Variants in GALNT13 observed in about 807,000 individuals in gnomAD.
GALNT13 encodes UDP-GalNAc:polypeptide N-acetylgalactosaminyltransferase 13.
In GALNT13, 28 loss-of-function variants were observed where a neutral mutation model predicts 64.2. The ratio of observed to expected loss-of-function variants is 0.44; its 90% CI spans 0.32 to 0.60. The LOEUF is 0.60. Among genes scored for constraint, GALNT13 ranks in the 20% least tolerant of loss-of-function variants. GALNT13 has a pLI of 0.05. For missense variants in GALNT13, 577 were observed against 669.8 expected (o/e 0.86, Z 1.53); for synonymous variants, 214 against 224.6 (o/e 0.95, Z 0.42).
At chr2:153,569,541 TA>T in the GALNT13 span, among the ~76,000 whole-genome samples, 1 of 151,860 alleles carries the variant, frequency 6.6e-6, no homozygotes, top group East Asian at 1.9e-4. Flanking sequence ...AAAATCTTTT[TA>T]TTTTTAATTA....
the GALNT13 span, among the ~76,000 whole-genome samples, chr2:153,480,950 T>G: frequency 6.6e-6 from 1 of 152,192 alleles, no homozygotes; most frequent in Non-Finnish European, 1.5e-5. Context: ...TGAGTATATT[T>G]ATTGCTAGGA....
At chr2:154,347,086 G>A (rs1052746350) in intron 9 of GALNT13, among the ~76,000 whole-genome samples, 1 of 152,040 alleles carries the variant, frequency 6.6e-6, no homozygotes, top group Non-Finnish European at 1.5e-5. Flanking sequence ...ATGCTAGAAA[G>A]TTAGCATTTC....
chr2:153,252,949 G>T, the GALNT13 span, among the ~76,000 whole-genome samples: 2 of 151,844 alleles, frequency 1.3e-5, no homozygotes, highest in Non-Finnish European at 2.9e-5. Flanking sequence ...ACTTGGCGAT[G>T]CAGGCTCTTT....
At chr2:154,268,216 A>T (rs1382183239) in intron 8 of GALNT13, among the ~76,000 whole-genome samples, 1 of 152,236 alleles carries the variant, frequency 6.6e-6, no homozygotes, top group Non-Finnish European at 1.5e-5. Context: ...TGAATAAACT[A>T]TGCTTTGTCC....
the GALNT13 span, among the ~76,000 whole-genome samples, chr2:153,467,478 G>T: frequency 1.3e-5 from 2 of 152,064 alleles, no homozygotes; most frequent in Admixed American, 1.3e-4. Flanking sequence ...TAGCAGAATG[G>T]CAGAGAGGAA....
the GALNT13 span, among the ~76,000 whole-genome samples, chr2:153,504,510 G>C: frequency 2.0e-5 from 3 of 152,120 alleles, no homozygotes; most frequent in Non-Finnish European, 4.4e-5. Flanking sequence ...GTATAATGAT[G>C]GTTGTGGGTT....
intron 3 of GALNT13, among the ~76,000 whole-genome samples, chr2:154,083,603 A>T (rs1204653863): frequency 6.6e-6 from 1 of 151,886 alleles, no homozygotes; most frequent in Non-Finnish European, 1.5e-5. Context: ...AGTGGTTTGC[A>T]GTTCTCCTTG....
At chr2:154,398,912 A>G (rs1255210882) in intron 10 of GALNT13, among the ~76,000 whole-genome samples, 2 of 152,144 alleles carry the variant, frequency 1.3e-5, no homozygotes, top group Non-Finnish European at 2.9e-5. Context: ...AACAACTTTC[A>G]TGACTTGGAT....
chr2:153,608,060 T>G, the GALNT13 span, among the ~76,000 whole-genome samples: 1 of 152,072 alleles, frequency 6.6e-6, no homozygotes, highest in East Asian at 1.9e-4. Context: ...GGATCAAGAA[T>G]TTTTCTGAAT....
the GALNT13 span, among the ~76,000 whole-genome samples, chr2:153,193,971 CT>C: frequency 2.0e-5 from 3 of 152,066 alleles, no homozygotes; most frequent in Non-Finnish European, 4.4e-5. Flanking sequence ...TGCTGCTAGT[CT>C]GGCGGGTTCC....
intron 3 of GALNT13, among the ~76,000 whole-genome samples, chr2:154,032,864 C>CT (rs70981694): frequency 0.3 from 32,934 of 110,066 alleles, 7,144 homozygotes; most frequent in East Asian, 0.84. Flanking sequence ...CCTACATTTC[C>CT]TTTTTTTTTT....
At chr2:153,594,473 C>T in the GALNT13 span, among the ~76,000 whole-genome samples, 1 of 152,038 alleles carries the variant, frequency 6.6e-6, no homozygotes, top group African/African-American at 2.4e-5. Flanking sequence ...TCATGATCTC[C>T]CTTTCACTTG....
the GALNT13 span, among the ~76,000 whole-genome samples, chr2:153,153,957 A>T: frequency 3.9e-5 from 6 of 152,032 alleles, no homozygotes; most frequent in African/African-American, 1.4e-4. Flanking sequence ...GTTTAATAGG[A>T]ATGGCATTGA....
At chr2:153,473,675 A>C in the GALNT13 span, among the ~76,000 whole-genome samples, 2 of 152,224 alleles carry the variant, frequency 1.3e-5, no homozygotes, top group Non-Finnish European at 1.5e-5. Context: ...TTTGAGTCTT[A>C]CAGAACAAAC....
chr2:154,410,196 T>G (rs1037289366), intron 11 of GALNT13, among the ~76,000 whole-genome samples: 2 of 151,954 alleles, frequency 1.3e-5, no homozygotes, highest in Non-Finnish European at 2.9e-5. Context: ...ATTTATTGTT[T>G]CACTGATTCA....
chr2:153,713,639 C>T, the GALNT13 span, among the ~76,000 whole-genome samples: 1 of 152,172 alleles, frequency 6.6e-6, no homozygotes, highest in Non-Finnish European at 1.5e-5. Flanking sequence ...TACGCCACCA[C>T]ACCCAGCTAA....
chr2:153,910,761 T>G (rs2105314835), intron 2 of GALNT13, among the ~76,000 whole-genome samples: 1 of 152,176 alleles, frequency 6.6e-6, no homozygotes, highest in South Asian at 2.1e-4. Flanking sequence ...TCTTGAATTC[T>G]CTTTTTTTGT....
chr2:154,323,284 G>A (rs1170810176), intron 9 of GALNT13, among the ~76,000 whole-genome samples: 6 of 151,632 alleles, frequency 4.0e-5, no homozygotes, highest in African/African-American at 1.5e-4. Context: ...GTGAGATCCT[G>A]TCTTTAAAAA....
the GALNT13 span, among the ~76,000 whole-genome samples, chr2:153,503,945 T>C: frequency 5.3e-5 from 8 of 152,238 alleles, no homozygotes; most frequent in East Asian, 1.4e-3. Context: ...TTGATGGGAA[T>C]TGAGTTGAAT....
Sources: allele counts gnomAD v4.1 joint callset (sites outside exome capture counted in the v4.1 genomes callset), GRCh38; gene constraint gnomAD v4.1.1; transcripts MANE v1.5; gene names NCBI Gene and HGNC (gene_info 2026-07-23, HGNC 2026-07-21).